Variants in TACC1 observed in about 807,000 individuals in gnomAD.
TACC1 encodes transforming acidic coiled-coil-containing protein 1.
A neutral mutation model predicts 84.4 loss-of-function variants in TACC1; 48 were observed. The ratio of observed to expected loss-of-function variants is 0.57; its 90% CI spans 0.45 to 0.72. The LOEUF is 0.72. Among genes scored for constraint, TACC1 ranks in the 30% least tolerant of loss-of-function variants. The pLI is 0.00. For synonymous variants in TACC1, 372 were observed against 376.3 expected, an observed-to-expected ratio of 0.99 and a Z score of 0.13; for missense variants, 920 against 973.0, an observed-to-expected ratio of 0.95 and a Z score of 0.72.
chr8:38,829,650 A>T (rs1215178227), intron 5 of TACC1, among the ~76,000 whole-genome samples: 1 of 152,232 alleles, frequency 6.6e-6, no homozygotes, highest in African/African-American at 2.4e-5. Context: ...GTCACCTTTG[A>T]CACAGTACAT....
At chr8:38,822,301 T>C (rs1347964169) in intron 3 of TACC1, among the ~76,000 whole-genome samples, 4 of 151,516 alleles carry the variant, frequency 2.6e-5, no homozygotes, top group Non-Finnish European at 4.4e-5. Context: ...GGTAAGTATT[T>C]GTGTATCTAA....
chr8:38,810,320 G>C (rs1001782855), intron 2 of TACC1, among the ~76,000 whole-genome samples: 1 of 151,852 alleles, frequency 6.6e-6, no homozygotes, highest in African/African-American at 2.4e-5. Context: ...TAAACTTCTG[G>C]CTGGGTGCAG....
chr8:38,788,456 A>G, intron 1 of TACC1: 1 of 377,806 alleles, frequency 2.6e-6, no homozygotes, highest in Non-Finnish European at 4.8e-6. Flanking sequence ...TCGAAAATAA[A>G]TGGTGCTGGA....
intron 3 of TACC1, among the ~76,000 whole-genome samples, chr8:38,821,504 G>A (rs1033681218): frequency 4.6e-5 from 7 of 152,198 alleles, no homozygotes; most frequent in African/African-American, 1.4e-4. Context: ...GTCTCCATGT[G>A]TAATTTCTGG....
chr8:38,839,277 A>C, intron 8 of TACC1: 1 of 393,892 alleles, frequency 2.5e-6, no homozygotes, highest in East Asian at 3.6e-5. Flanking sequence ...AACAAGAAAC[A>C]AAATTGATTG....
At chr8:38,827,128 C>T in intron 4 of TACC1, 40 bp from the exon 5 acceptor site, 2 of 1,574,366 alleles carry the variant, frequency 1.3e-6, no homozygotes, top group Non-Finnish European at 1.7e-6. Context: ...CCATTGCTTG[C>T]CCTCCTAAAG....
chr8:38,811,530 T>G (rs920386898), intron 2 of TACC1, among the ~76,000 whole-genome samples: 2 of 152,250 alleles, frequency 1.3e-5, no homozygotes, highest in Non-Finnish European at 2.9e-5. Context: ...AAATTAATAC[T>G]TTTATAATTT....
chr8:38,769,348 G>A (rs1479770842), intron 3 of TACC1, among the ~76,000 whole-genome samples: 2 of 147,300 alleles, frequency 1.4e-5, no homozygotes, highest in Non-Finnish European at 3.0e-5. Context: ...GGTGTGTGGT[G>A]TATGTGATAC....
chr8:38,845,293 A>G (rs1383297680), intron 11 of TACC1, among the ~76,000 whole-genome samples: 1 of 152,228 alleles, frequency 6.6e-6, no homozygotes, highest in Non-Finnish European at 1.5e-5. Context: ...TTCTATCTGT[A>G]GAAGCAGAAG....
In TACC1 at chr8:38,787,547, CTG is replaced by C; in HGVS notation, c.-35_-34del. ...AAAAAGGCTCTCCCCACCCATTCCC[CTG>C]CCCCTAGGAGCTGGAGCCGGAGGAG... On this transcript the variant is annotated 5_prime_UTR_variant, in exon 1 of 13. Transcript: ENST00000317827. 2 of 1,517,718 alleles carry C rather than the reference CTG, an allele frequency of 1.3e-6. No homozygotes were observed. 94.0% of individuals were successfully genotyped at this position (1,517,718 alleles called of 1,614,324 possible).
At chr8:38,794,763 C>A (rs1008713468) in intron 2 of TACC1, among the ~76,000 whole-genome samples, 2 of 152,166 alleles carry the variant, frequency 1.3e-5, no homozygotes, top group African/African-American at 2.4e-5. Context: ...AACATCCTTT[C>A]CCTGCTCCAA....
intron 9 of TACC1, among the ~76,000 whole-genome samples, chr8:38,841,936 C>T (rs1228185811): frequency 6.6e-6 from 1 of 152,194 alleles, no homozygotes; most frequent in African/African-American, 2.4e-5. Flanking sequence ...TCACCTAATG[C>T]CTTCCCAGCT....
intron 3 of TACC1, among the ~76,000 whole-genome samples, chr8:38,767,316 G>C (rs1812434851): frequency 6.6e-6 from 1 of 152,172 alleles, no homozygotes; most frequent in African/African-American, 2.4e-5. Context: ...TCAGGCTGTG[G>C]CACTTCTGGG....
intron 6 of TACC1, among the ~76,000 whole-genome samples, chr8:38,831,491 A>ATTG (rs1261635173): frequency 6.6e-6 from 1 of 151,994 alleles, no homozygotes; most frequent in Non-Finnish European, 1.5e-5. Flanking sequence ...TATCATTATT[A>ATTG]TTGTTGTTAT....
chr8:38,788,283 T>G (rs1587687070), intron 1 of TACC1: 1 of 170,220 alleles, frequency 5.9e-6, no homozygotes, highest in Non-Finnish European at 1.3e-5. Context: ...GCCCAGGGAG[T>G]TCCAGCAGGT....
In TACC1 at chr8:38,836,240, C is replaced by T. The variant is rs138079554; in HGVS notation, c.1792C>T (p.Leu598Phe). The T allele has an allele frequency of 1.4e-4, 232 of 1,612,732 alleles. 2 individuals are homozygous for T. The African/African-American group carries it at 2.7e-3, about 19-fold the overall frequency. Residue 598 changes from leucine to phenylalanine, a missense_variant, in exon 7 of 13, where the codon CTC becomes TTC. This residue lies in a region of TACC1 where 762 missense variants were observed against 747.3 expected (regional missense o/e 1.02). Transcript: ENST00000317827. ...TGAGAGCCCCCTGGATGGGATCTGCCTCAGCGAATCAGACAAGACAGCCGT... is the reference window on the plus strand; with the variant it reads ...TGAGAGCCCCCTGGATGGGATCTGCTTCAGCGAATCAGACAAGACAGCCGT... ...GGESPLDGIC[L>F]SESDKTAVLT...
At chr8:38,734,967 C>T (rs1028871428) in intron 1 of TACC1, among the ~76,000 whole-genome samples, 1 of 152,266 alleles carries the variant, frequency 6.6e-6, no homozygotes, top group African/African-American at 2.4e-5. Context: ...CTGCATACCA[C>T]GTGAGAACAC....
Position 38,819,515 on chromosome 8 carries a change from A to T in TACC1, c.278-7A>T. 6.3e-7 allele frequency: 1 copy of T among 1,594,216 alleles called. No homozygotes were observed. The highest frequency in any genetic ancestry group is 1.4e-5 in the African/African-American group (1 of 73,976). On this transcript the variant is annotated splice_polypyrimidine_tract_variant and splice_region_variant and intron_variant, in intron 2 of 12. Transcript: ENST00000317827. The stretch of plus-strand genomic sequence containing the variant: ...CTTTAATAGATGGTTTTTGTGTTTC[A>T]TTTTAGAATCACAAGAAGCTGATGA...
chr8:38,829,663 T>C (rs1452400294), intron 5 of TACC1, among the ~76,000 whole-genome samples: 1 of 152,236 alleles, frequency 6.6e-6, no homozygotes, highest in East Asian at 1.9e-4. Flanking sequence ...CAGTACATGG[T>C]AAACATTTAT....
Sources: gnomAD v4.1 joint callset for allele counts (sites outside exome capture counted in the v4.1 genomes callset) on GRCh38, gnomAD v4.1.1 for gene constraint, gnomAD v4.1.1 regional missense constraint, MANE v1.5 for transcripts, NCBI Gene and HGNC (gene_info 2026-07-23, HGNC 2026-07-21) for gene names.